NSG1: variants seen among roughly 807,000 people sequenced by gnomAD.
NSG1 encodes the protein neuronal vesicle trafficking associated 1.
NSG1 carries 9 observed loss-of-function variants against 19.3 expected under a neutral mutation model. The ratio of observed to expected loss-of-function variants is 0.47; its 90% CI spans 0.28 to 0.81. NSG1 has a LOEUF of 0.81. Ranked by LOEUF, NSG1 falls within the 40% of genes least tolerant of loss-of-function variation. The pLI is 0.11. For synonymous variants in NSG1, 104 were observed against 107.0 expected, an observed-to-expected ratio of 0.97 and a Z score of 0.17; for missense variants, 236 against 242.4, an observed-to-expected ratio of 0.97 and a Z score of 0.18.
chr4:4,413,555 T>C (rs1384895235), intron 4 of NSG1, among the ~76,000 whole-genome samples: 1 of 150,346 alleles, frequency 6.7e-6, no homozygotes, highest in Non-Finnish European at 1.5e-5. Flanking sequence ...GGGAAGGGGT[T>C]TGTGATGGTA....
At chr4:4,412,889 C>T (rs7672290) in intron 4 of NSG1, among the ~76,000 whole-genome samples, 2,949 of 152,218 alleles carry the variant, frequency 0.019, 88 homozygotes, top group African/African-American at 0.068. Context: ...CACTGGGTAG[C>T]TTGGGTTTGG....
intron 2 of NSG1, among the ~76,000 whole-genome samples, chr4:4,390,558 G>A (rs11940125): frequency 0.036 from 5,439 of 152,252 alleles, 326 homozygotes; most frequent in African/African-American, 0.12. Context: ...CTCGTCCCTC[G>A]GGGGAGAAAG....
chr4:4,412,958 A>G (rs1724300085), intron 4 of NSG1, among the ~76,000 whole-genome samples: 1 of 152,140 alleles, frequency 6.6e-6, no homozygotes, highest in South Asian at 2.1e-4. Flanking sequence ...TTACGCGATT[A>G]GCAGGAAAGG....
chr4:4,390,346 T>C (rs1722930114), intron 2 of NSG1, among the ~76,000 whole-genome samples: 1 of 152,202 alleles, frequency 6.6e-6, no homozygotes, highest in South Asian at 2.1e-4. Flanking sequence ...GGTTTATGGC[T>C]CTTGGGATCA....
chr4:4,391,313 T>G (rs1318260441), intron 2 of NSG1, among the ~76,000 whole-genome samples, 162 bp from the exon 3 acceptor site: 1 of 152,238 alleles, frequency 6.6e-6, no homozygotes. Flanking sequence ...TCTCTGAAAG[T>G]CCTGCCACAG....
intron 3 of NSG1, among the ~76,000 whole-genome samples, chr4:4,399,046 C>A (rs1723412618): frequency 6.6e-6 from 1 of 152,162 alleles, no homozygotes; most frequent in Admixed American, 6.5e-5. Flanking sequence ...TAATGATGTC[C>A]TGCATCTTTT....
chr4:4,403,951 T>C (rs1481161418), intron 3 of NSG1, among the ~76,000 whole-genome samples: 1 of 152,236 alleles, frequency 6.6e-6, no homozygotes, highest in Admixed American at 6.5e-5. Context: ...TTTATCCCCT[T>C]GCTTCCAGCT....
At chr4:4,396,831 CG>C in intron 3 of NSG1, among the ~76,000 whole-genome samples, 1 of 151,168 alleles carries the variant, frequency 6.6e-6, no homozygotes, top group Middle Eastern at 3.4e-3. Flanking sequence ...AGAGTGATGC[CG>C]TTTCCTTGGC....
rs567124518 is a variant in NSG1 at position 4,407,506 on chromosome 4, A to C, written c.247-2067A>C. Among the ~76,000 whole-genome samples the C allele has an allele frequency of 3.9e-5, 6 of 152,184 alleles. No individual in the cohort carries two copies. The South Asian group carries it at 1.2e-3, about 32-fold the overall frequency. On this transcript the variant is annotated intron_variant, in intron 3 of 4. Transcript: ENST00000621129. ...GTCCTGCCCCGGGCACTGTGCTGAG[A>C]GCCCCTGGGACCAATGAATCTGGCA...
At chr4:4,399,693 C>T (rs530798399) in intron 3 of NSG1, among the ~76,000 whole-genome samples, 16 of 152,228 alleles carry the variant, frequency 1.1e-4, no homozygotes, top group Middle Eastern at 3.4e-3. Flanking sequence ...TCTAAGATAG[C>T]GGTCCCCAAC....
chr4:4,392,167 C>G (rs377604172), intron 3 of NSG1, among the ~76,000 whole-genome samples: 1 of 151,212 alleles, frequency 6.6e-6, no homozygotes, highest in Non-Finnish European at 1.5e-5. Context: ...TCCTTCCCCC[C>G]ATCCCAATGG....
chr4:4,408,469 G>C (rs1036494812), intron 3 of NSG1, among the ~76,000 whole-genome samples: 2 of 152,106 alleles, frequency 1.3e-5, no homozygotes, highest in African/African-American at 4.8e-5. Flanking sequence ...TTTATTGATT[G>C]ATTTATTTTG....
chr4:4,390,981 T>C (rs946439756), intron 2 of NSG1, among the ~76,000 whole-genome samples: 3 of 152,160 alleles, frequency 2.0e-5, no homozygotes, highest in Non-Finnish European at 4.4e-5. Context: ...ATCCTGGATC[T>C]GTTTCCAGAC....
At chr4:4,410,886 C>T (rs1397527048) in intron 4 of NSG1, among the ~76,000 whole-genome samples, 1 of 152,188 alleles carries the variant, frequency 6.6e-6, no homozygotes, top group Non-Finnish European at 1.5e-5. Flanking sequence ...GTGATGGAGT[C>T]TCACTCTGTT....
At chr4:4,401,952 C>G (rs1297655865) in intron 3 of NSG1, among the ~76,000 whole-genome samples, 2 of 151,932 alleles carry the variant, frequency 1.3e-5, no homozygotes, top group Non-Finnish European at 2.9e-5. Flanking sequence ...ACCATCTCGG[C>G]TCACTTCAGC....
chr4:4,404,180 G>C (rs1723723311), intron 3 of NSG1, among the ~76,000 whole-genome samples: 1 of 152,218 alleles, frequency 6.6e-6, no homozygotes, highest in Non-Finnish European at 1.5e-5. Flanking sequence ...CCTGGGTCCT[G>C]TTGGCCGACT....
rs543421784 is a variant in NSG1 at position 4,397,814 on chromosome 4, C to A, written c.246+6223C>A. On this transcript the variant is annotated intron_variant, in intron 3 of 4. Transcript: ENST00000621129. The stretch of plus-strand genomic sequence containing the variant: ...AGATCCTGTTTGTATTTCTCTGTTC[C>A]CGGCTGTTCTTTCCAGAAAACACTC... 2.0e-5 allele frequency among the ~76,000 whole-genome samples: 3 copies of A among 152,194 alleles called. No individual in the cohort carries two copies. The East Asian group carries it at 5.8e-4, about 29-fold the overall frequency.
At chr4:4,397,356 T>C (rs1039906720) in intron 3 of NSG1, among the ~76,000 whole-genome samples, 2 of 152,178 alleles carry the variant, frequency 1.3e-5, no homozygotes, top group East Asian at 3.9e-4. Context: ...CCTGCTGTCC[T>C]GATTTTGTAG....
chr4:4,413,840 C>A (rs144947783), intron 4 of NSG1, among the ~76,000 whole-genome samples: 1 of 151,522 alleles, frequency 6.6e-6, no homozygotes, highest in Non-Finnish European at 1.5e-5. Context: ...AAGACTGGGG[C>A]GCTGGGGATG....
Sources: gnomAD v4.1 joint callset for allele counts (sites outside exome capture counted in the v4.1 genomes callset) on GRCh38, gnomAD v4.1.1 for gene constraint, MANE v1.5 for transcripts, NCBI Gene and HGNC (gene_info 2026-07-23, HGNC 2026-07-21) for gene names.